ASXL2: variants seen among roughly 807,000 people sequenced by gnomAD.
The protein encoded by ASXL2 is ASXL transcriptional regulator 2.
ASXL2 carries 23 observed loss-of-function variants against 122.0 expected under a neutral mutation model. The ratio of observed to expected loss-of-function variants is 0.19; its 90% confidence interval spans 0.14 to 0.27. The LOEUF is 0.27. Ranked by LOEUF, ASXL2 falls within the 10% of genes least tolerant of loss-of-function variation. The probability of loss-of-function intolerance (pLI) is 1.00; values close to 1 mark genes in which losing one functional copy is unlikely to be tolerated. For synonymous variants in ASXL2, 650 were observed against 637.0 expected (o/e 1.02, Z -0.31); for missense variants, 1,518 against 1,713.8 (o/e 0.89, Z 2.02).
At chr2:25,871,839 T>C (rs976895865) in intron 1 of ASXL2, among the ~76,000 whole-genome samples, 2 of 152,238 alleles carry the variant, frequency 1.3e-5, no homozygotes, top group Non-Finnish European at 2.9e-5. Flanking sequence ...CAAAAAGTGT[T>C]ACATCAAGTC....
chr2:25,744,578 C>A lies in ASXL2; in HGVS notation c.1861-102G>T. The A allele has an allele frequency of 1.5e-6, 2 of 1,293,796 alleles. No homozygotes were observed. The highest frequency in any genetic ancestry group is 2.0e-4 in the Middle Eastern group (1 of 5,126). The allele number at this position is 1,293,796 out of a possible 1,614,324, so 80.1% of individuals were successfully genotyped here. ...ACATTTTAAAAACAGATGAACACTA[C>A]AGTACCTGTGACAAACATGGGTGGT... On this transcript the variant is annotated intron_variant, in intron 12 of 12. Transcript: ENST00000435504. The surrounding 1 kb of genome is among the most constrained non-coding windows in gnomAD (Gnocchi z 4.7).
At chr2:25,784,595 T>C (rs1051540522) in intron 5 of ASXL2, among the ~76,000 whole-genome samples, 1 of 152,240 alleles carries the variant, frequency 6.6e-6, no homozygotes, top group African/African-American at 2.4e-5. Context: ...GGATGGTTCC[T>C]TCTGTGAGAT....
intron 9 of ASXL2, 96 bp from the exon 10 acceptor site, chr2:25,756,210 A>G: frequency 5.4e-6 from 3 of 557,010 alleles, no homozygotes; most frequent in South Asian, 8.8e-5. Context: ...GAATGTATAT[A>G]TATTTATTTT....
intron 1 of ASXL2, among the ~76,000 whole-genome samples, chr2:25,863,993 G>A (rs1355140596): frequency 4.7e-5 from 7 of 147,432 alleles, no homozygotes; most frequent in African/African-American, 7.5e-5. Flanking sequence ...GTAACAGAGC[G>A]AGACTCCATC....
In ASXL2 at chr2:25,742,866, T is replaced by C. The variant is rs2087857211; in HGVS notation, c.3471A>G (p.Glu1157=). 1 of 1,614,016 alleles carries C rather than the reference T, an allele frequency of 6.2e-7. No individual in the cohort carries two copies. Among genetic ancestry groups the C allele is most frequent in the Non-Finnish European group, 8.5e-7 (1 of 1,179,894 alleles). ...AGTCTGTATATCCCATTTTCAAGGC[T>C]TCAGTGGGGCTGCTTAGACAAAAAC... ...EDRFCLSSPT[E]ALKMGYTDCK... is the part of the protein sequence containing the mutation. Residue 1157 remains glutamate (E), a synonymous_variant, in exon 13 of 13, where the codon GAA becomes GAG. Transcript: ENST00000435504.
At chr2:25,778,670 C>T (rs924355421) in intron 5 of ASXL2, among the ~76,000 whole-genome samples, 5 of 152,132 alleles carry the variant, frequency 3.3e-5, no homozygotes, top group African/African-American at 1.2e-4. Context: ...ATACTTAGCA[C>T]CCAAATCGTC....
Position 25,735,642 on chromosome 2 carries a change from G to C in ASXL2, c.*6387C>G, listed in dbSNP as rs2087723819. On this transcript the variant is annotated 3_prime_UTR_variant, in exon 13 of 13. Coordinates refer to ENST00000435504, the MANE Select transcript of ASXL2 (RefSeq NM_018263.6). ...CTGCATTATTTACCCAACTGTGTTT[G>C]AAAGGGTTAGTTTAACAAAACACTA... The C allele has an allele frequency of 6.6e-6, 1 of 152,188 alleles. No homozygotes were observed. Among genetic ancestry groups the C allele is most frequent in the African/African-American group, 2.4e-5 (1 of 41,448 alleles). 9.4% of individuals were successfully genotyped at this position (152,188 alleles called of 1,614,324 possible). A position where few individuals can be genotyped will look rare whatever the true frequency, so the allele number is the denominator to read the frequency against.
intron 9 of ASXL2, among the ~76,000 whole-genome samples, chr2:25,758,571 G>A (rs1252605136): frequency 2.0e-5 from 3 of 152,072 alleles, no homozygotes; most frequent in African/African-American, 7.2e-5. Context: ...CTTGATGAAA[G>A]CCAAAGTCTC....
chr2:25,818,361 C>T (rs1201049708), intron 3 of ASXL2, among the ~76,000 whole-genome samples: 1 of 151,972 alleles, frequency 6.6e-6, no homozygotes, highest in Non-Finnish European at 1.5e-5. Context: ...ATACAAAAAA[C>T]TTAGCTGGGC....
chr2:25,743,457 T>C lies in ASXL2; in HGVS notation c.2880A>G (p.Lys960=), dbSNP rs1472984492. 6.2e-7 allele frequency: 1 copy of C among 1,613,664 alleles called. No individual in the cohort carries two copies. The highest frequency in any genetic ancestry group is 1.3e-5 in the African/African-American group (1 of 74,900). The stretch of plus-strand genomic sequence containing the variant: ...GCAGAATTTGCTCCATGGGAACATC[T>C]TTGCCTTGAAGCAGCTGAGTCACTA... ...NPLVTQLLQG[K]DVPMEQILPK... The change falls in exon 13 of 13, where the codon AAA becomes AAG. Residue 960 remains lysine, a synonymous_variant. Transcript: ENST00000435504.
intron 8 of ASXL2, among the ~76,000 whole-genome samples, chr2:25,761,179 A>G (rs534422431): frequency 6.6e-6 from 1 of 152,308 alleles, no homozygotes; most frequent in Non-Finnish European, 1.5e-5. Context: ...ATGAGAATGG[A>G]AAAAAGGCAA....
chr2:25,781,970 T>C (rs187127817), intron 5 of ASXL2, among the ~76,000 whole-genome samples: 4,751 of 134,602 alleles, frequency 0.035, 328 homozygotes, highest in Middle Eastern at 0.094. Flanking sequence ...TTTTTTCTTT[T>C]TTTTTTTTTT....
chr2:25,799,532 C>G lies in ASXL2; in HGVS notation c.256G>C (p.Asp86His). ...GRMGVYTLKK[D>H]VPDGVKELSE... ...AGCTCTTTCACCCCATCCGGCACAT[C>G]TTTCTGAAAATGTAGGCATCCAATT... Residue 86 changes from aspartate to histidine, a missense_variant, in exon 5 of 13, where the codon GAT (aspartate) becomes CAT (histidine). Physicochemically the swap from Asp to His is moderately conservative, Grantham distance 81. This residue lies in a region of ASXL2 where 12 missense variants were observed against 60.0 expected (regional missense o/e 0.20). Transcript: ENST00000435504. 6.2e-7 allele frequency: 1 copy of G among 1,609,752 alleles called. No individual in the cohort carries two copies. The highest frequency in any genetic ancestry group is 2.2e-5 in the East Asian group (1 of 44,856).
chr2:25,752,417 G>C (rs547253092), intron 11 of ASXL2, among the ~76,000 whole-genome samples: 3 of 152,164 alleles, frequency 2.0e-5, no homozygotes, highest in Non-Finnish European at 4.4e-5. Flanking sequence ...ACATCTCCCA[G>C]AGTGCCTTTT....
intron 5 of ASXL2, among the ~76,000 whole-genome samples, chr2:25,787,278 C>T (rs142251497): frequency 7.6e-4 from 115 of 152,252 alleles, no homozygotes; most frequent in African/African-American, 2.4e-3. Flanking sequence ...TCTTCCCAGG[C>T]AAAATATGCT....
chr2:25,811,055 T>TACACACACACACACACACAC (rs34006530), intron 3 of ASXL2, among the ~76,000 whole-genome samples: 6 of 116,356 alleles, frequency 5.2e-5, no homozygotes, highest in African/African-American at 1.7e-4. Flanking sequence ...AATACAAAAA[T>TACACACACACACACACACAC]ACACACACAC....
chr2:25,869,731 G>A (rs189208761), intron 1 of ASXL2, among the ~76,000 whole-genome samples: 40 of 151,564 alleles, frequency 2.6e-4, no homozygotes, highest in East Asian at 1.8e-3. Flanking sequence ...CAGGAGAATC[G>A]CTTGAACCTG....
intron 5 of ASXL2, among the ~76,000 whole-genome samples, chr2:25,793,711 T>C (rs914468059): frequency 6.6e-6 from 1 of 152,212 alleles, no homozygotes; most frequent in Non-Finnish European, 1.5e-5. Flanking sequence ...GAGTTTTTAT[T>C]CTAACAGGTC....
intron 2 of ASXL2, among the ~76,000 whole-genome samples, chr2:25,837,094 G>T (rs868466000): frequency 4.3e-5 from 5 of 117,590 alleles, no homozygotes; most frequent in Non-Finnish European, 6.9e-5. Flanking sequence ...TGGGGGGGGG[G>T]GGCGTGGGAA....
Sources: gnomAD v4.1 joint callset for allele counts (sites outside exome capture counted in the v4.1 genomes callset) on GRCh38, gnomAD v4.1.1 for gene constraint, gnomAD v4.1.1 regional missense constraint, Gnocchi (gnomAD v3.1) non-coding constraint, MANE v1.5 for transcripts, NCBI Gene and HGNC (gene_info 2026-07-23, HGNC 2026-07-21) for gene names.